Variants in TBC1D5 observed in about 807,000 individuals in gnomAD.
TBC1D5 encodes TBC1 domain family member 5, also known as TBC1 domain family, member 5.
Under a neutral mutation model 100.3 loss-of-function variants are expected in TBC1D5, and 75 were observed. That is an observed-to-expected ratio of 0.75 (90% CI 0.62 to 0.91). The LOEUF (loss-of-function observed/expected upper bound fraction) is 0.91, where lower values mean the gene tolerates loss of function less well. TBC1D5 is among the 40% of genes least tolerant of loss of function. The pLI is 0.00. For missense variants in TBC1D5, 910 were observed against 942.4 expected, an observed-to-expected ratio of 0.97 and a Z score of 0.45; for synonymous variants, 323 against 325.6, an observed-to-expected ratio of 0.99 and a Z score of 0.09.
At chr3:17,642,882 G>A (rs1290937759) in intron 1 of TBC1D5, among the ~76,000 whole-genome samples, 1 of 152,060 alleles carries the variant, frequency 6.6e-6, no homozygotes, top group South Asian at 2.1e-4. Flanking sequence ...TAGAAAGGTT[G>A]CCCAAATAGC....
At chr3:17,387,063 ACT>A (rs1205366616) in intron 8 of TBC1D5, among the ~76,000 whole-genome samples, 4 of 152,102 alleles carry the variant, frequency 2.6e-5, no homozygotes, top group Non-Finnish European at 5.9e-5. Context: ...GTTTCATGGC[ACT>A]CTCTTTGTTA....
chr3:17,217,631 T>C (rs953718988), intron 17 of TBC1D5, among the ~76,000 whole-genome samples: 6 of 152,140 alleles, frequency 3.9e-5, no homozygotes, highest in Non-Finnish European at 8.8e-5. Flanking sequence ...CTCATGATGC[T>C]TAGCATCTTT....
At chr3:17,386,992 T>A (rs1320542092) in intron 8 of TBC1D5, among the ~76,000 whole-genome samples, 1 of 152,118 alleles carries the variant, frequency 6.6e-6, no homozygotes. Context: ...ACATAGCATA[T>A]CTATGAAACA....
At chr3:17,479,442 G>C (rs1449038895) in intron 3 of TBC1D5, among the ~76,000 whole-genome samples, 2 of 152,106 alleles carry the variant, frequency 1.3e-5, no homozygotes, top group Non-Finnish European at 2.9e-5. Flanking sequence ...ATATATCAAG[G>C]TGTAGTTCAA....
intron 1 of TBC1D5, among the ~76,000 whole-genome samples, chr3:17,704,077 A>G (rs2073613066): frequency 6.9e-6 from 1 of 143,956 alleles, no homozygotes; most frequent in Non-Finnish European, 1.5e-5. Context: ...GGCCTTCCGC[A>G]GTGTTTGTGT....
chr3:17,650,319 T>C (rs945121561), intron 1 of TBC1D5, among the ~76,000 whole-genome samples: 1 of 151,716 alleles, frequency 6.6e-6, no homozygotes, highest in African/African-American at 2.4e-5. Context: ...ATAAAACTGG[T>C]ATGTCAAAGA....
intron 2 of TBC1D5, among the ~76,000 whole-genome samples, chr3:17,564,319 C>T (rs1474278554): frequency 1.3e-5 from 2 of 152,228 alleles, no homozygotes; most frequent in African/African-American, 4.8e-5. Flanking sequence ...GATAGCCATA[C>T]CCTATAAAGT....
At chr3:17,371,068 TACAC>T (rs111820681) in intron 13 of TBC1D5, among the ~76,000 whole-genome samples, 4,141 of 146,460 alleles carry the variant, frequency 0.028, 80 homozygotes, top group South Asian at 0.065. Context: ...ACTGAAAAAA[TACAC>T]ACACACACAC....
chr3:17,680,106 C>T (rs1424944503), intron 1 of TBC1D5, among the ~76,000 whole-genome samples: 2 of 151,422 alleles, frequency 1.3e-5, no homozygotes, highest in Middle Eastern at 3.2e-3. Flanking sequence ...ATCAGTTATA[C>T]TAAAAGTTTT....
chr3:17,488,266 G>A (rs2095595590), intron 3 of TBC1D5, among the ~76,000 whole-genome samples: 1 of 152,156 alleles, frequency 6.6e-6, no homozygotes. Flanking sequence ...TTACTTAGCA[G>A]TATGTGCTTT....
intron 1 of TBC1D5, among the ~76,000 whole-genome samples, chr3:17,674,220 C>T (rs1460298371): frequency 6.6e-6 from 1 of 152,082 alleles, no homozygotes; most frequent in African/African-American, 2.4e-5. Context: ...AGCCAAATTT[C>T]TTTTAAGTCC....
chr3:17,208,112 C>T (rs978285270), intron 18 of TBC1D5, among the ~76,000 whole-genome samples: 14 of 152,188 alleles, frequency 9.2e-5, no homozygotes, highest in Admixed American at 8.5e-4. Flanking sequence ...CAAATTGGAT[C>T]CATGTATGGT....
intron 3 of TBC1D5, among the ~76,000 whole-genome samples, chr3:17,437,622 T>TAGAGAGAGAGAG (rs58492511): frequency 1.7e-5 from 2 of 115,452 alleles, no homozygotes; most frequent in East Asian, 5.6e-4. Flanking sequence ...GAGACAGAGG[T>TAGAGAGAGAGAG]AGAGAGAGAG....
At chr3:17,663,327 T>C (rs1033487040) in intron 1 of TBC1D5, among the ~76,000 whole-genome samples, 1 of 151,452 alleles carries the variant, frequency 6.6e-6, no homozygotes, top group Admixed American at 6.6e-5. Flanking sequence ...CTCAACTCAC[T>C]AGTTTAAAAA....
intron 1 of TBC1D5, among the ~76,000 whole-genome samples, chr3:17,631,022 C>T (rs180930381): frequency 0.013 from 1,619 of 127,172 alleles, 25 homozygotes; most frequent in African/African-American, 0.043. Flanking sequence ...CTAGCCTGGA[C>T]GACTGAGTGA....
intron 13 of TBC1D5, among the ~76,000 whole-genome samples, chr3:17,364,929 C>T (rs962762808): frequency 1.3e-5 from 2 of 152,084 alleles, no homozygotes; most frequent in African/African-American, 4.8e-5. Flanking sequence ...CGTCACAATG[C>T]TATTGCATAA....
intron 2 of TBC1D5, among the ~76,000 whole-genome samples, chr3:17,545,138 G>A (rs2096402280): frequency 6.6e-6 from 1 of 151,656 alleles, no homozygotes; most frequent in Non-Finnish European, 1.5e-5. Context: ...CGAAAAAATC[G>A]TACATTGAAA....
At chr3:17,552,843 G>C (rs565359924) in intron 2 of TBC1D5, among the ~76,000 whole-genome samples, 7 of 152,180 alleles carry the variant, frequency 4.6e-5, no homozygotes, top group Admixed American at 1.3e-4. Context: ...AGAAAAAACA[G>C]GTAATACAGA....
chr3:17,354,041 T>G (rs1220879428), intron 13 of TBC1D5, among the ~76,000 whole-genome samples: 3 of 151,998 alleles, frequency 2.0e-5, no homozygotes, highest in Non-Finnish European at 2.9e-5. Context: ...TAACAAAATA[T>G]GTACATAAAA....
Sources: gnomAD v4.1 joint callset for allele counts (sites outside exome capture counted in the v4.1 genomes callset) on GRCh38, gnomAD v4.1.1 for gene constraint, MANE v1.5 for transcripts, NCBI Gene and HGNC (gene_info 2026-07-23, HGNC 2026-07-21) for gene names.